NAV2: variants seen among roughly 807,000 people sequenced by gnomAD.
NAV2 encodes neuron navigator 2.
NAV2 carries 54 observed loss-of-function variants against 223.2 expected under a neutral mutation model. The ratio of observed to expected loss-of-function variants is 0.24; its 90% CI spans 0.19 to 0.30. NAV2 has a LOEUF of 0.30. NAV2 is among the 10% of genes least tolerant of loss of function. The pLI is 1.00. For synonymous variants in NAV2, 1,279 were observed against 1,239.3 expected, an observed-to-expected ratio of 1.03 and a Z score of -0.67; for missense variants, 2,806 against 3,147.5, an observed-to-expected ratio of 0.89 and a Z score of 2.60.
chr11:20,083,415 G>A (rs562707639), intron 26 of NAV2, among the ~76,000 whole-genome samples: 7 of 152,268 alleles, frequency 4.6e-5, no homozygotes, highest in East Asian at 1.9e-4. Flanking sequence ...GGCCTTAAGC[G>A]GGTTACTTAA....
intron 10 of NAV2, among the ~76,000 whole-genome samples, chr11:19,966,354 G>A (rs773074601): frequency 1.4e-4 from 22 of 152,186 alleles, no homozygotes; most frequent in Admixed American, 3.3e-4. Flanking sequence ...GCTCCATGGA[G>A]ACACAAGCCT....
intron 1 of NAV2, among the ~76,000 whole-genome samples, chr11:19,604,037 A>G (rs2046417598): frequency 6.6e-6 from 1 of 151,876 alleles, no homozygotes; most frequent in Admixed American, 6.6e-5. Context: ...GAGAGGGAGC[A>G]AGGGGAAGAG....
chr11:20,048,133 T>C (rs2057634650), intron 14 of NAV2, among the ~76,000 whole-genome samples: 1 of 152,198 alleles, frequency 6.6e-6, no homozygotes, highest in Non-Finnish European at 1.5e-5. Flanking sequence ...TGTATGTCAC[T>C]GGATAAGTAA....
chr11:19,737,682 C>A (rs573848138), intron 1 of NAV2, among the ~76,000 whole-genome samples: 22 of 152,314 alleles, frequency 1.4e-4, no homozygotes, highest in African/African-American at 5.3e-4. Flanking sequence ...AGAGTTCTTA[C>A]CCGACAGGGT....
chr11:19,639,340 C>T (rs1324609016), intron 1 of NAV2, among the ~76,000 whole-genome samples: 1 of 152,216 alleles, frequency 6.6e-6, no homozygotes, highest in Non-Finnish European at 1.5e-5. Context: ...TCTATGACTG[C>T]CCCTGTGTGG....
chr11:19,410,617 C>T (rs1202305726), intron 1 of NAV2, among the ~76,000 whole-genome samples: 1 of 152,124 alleles, frequency 6.6e-6, no homozygotes, highest in Non-Finnish European at 1.5e-5. Context: ...AGGATATTCT[C>T]ATTTTTTTCT....
intron 11 of NAV2, among the ~76,000 whole-genome samples, chr11:20,018,881 G>A (rs955075474): frequency 1.3e-5 from 2 of 152,172 alleles, no homozygotes; most frequent in African/African-American, 2.4e-5. Flanking sequence ...GAAGTGGGCC[G>A]CCAGTGGGAG....
intron 6 of NAV2, among the ~76,000 whole-genome samples, chr11:19,923,727 A>AGTGT (rs2153231045): frequency 6.6e-6 from 1 of 152,354 alleles, no homozygotes; most frequent in East Asian, 1.9e-4. Context: ...CCCCCTGTAA[A>AGTGT]GTGTGTATAA....
intron 3 of NAV2, among the ~76,000 whole-genome samples, chr11:19,845,200 C>T (rs1325111778): frequency 1.3e-5 from 2 of 152,206 alleles, no homozygotes; most frequent in Admixed American, 6.5e-5. Flanking sequence ...CACTTTTGCT[C>T]ATGGGAAGTA....
At chr11:19,541,541 C>G (rs760996155) in intron 1 of NAV2, among the ~76,000 whole-genome samples, 4 of 152,232 alleles carry the variant, frequency 2.6e-5, no homozygotes, top group Non-Finnish European at 5.9e-5. Context: ...TCTACAGGAG[C>G]AGGCTGAGGC....
At chr11:19,447,186 A>G (rs1002755374) in intron 1 of NAV2, among the ~76,000 whole-genome samples, 3 of 152,220 alleles carry the variant, frequency 2.0e-5, no homozygotes, top group African/African-American at 7.2e-5. Context: ...CAAATGAACA[A>G]AACTAGTTGG....
At chr11:19,394,985 C>T (rs1367034204) in intron 1 of NAV2, among the ~76,000 whole-genome samples, 2 of 152,338 alleles carry the variant, frequency 1.3e-5, no homozygotes, top group Non-Finnish European at 2.9e-5. Context: ...TGCTAAGCCT[C>T]GCTTGTCAGA....
intron 1 of NAV2, among the ~76,000 whole-genome samples, chr11:19,623,900 T>C (rs2047083680): frequency 6.6e-6 from 1 of 152,218 alleles, no homozygotes; most frequent in Non-Finnish European, 1.5e-5. Flanking sequence ...TTTGTGGTTT[T>C]ATCTACCTTT....
chr11:19,598,561 A>T (rs1250662232), intron 1 of NAV2, among the ~76,000 whole-genome samples: 1 of 152,122 alleles, frequency 6.6e-6, no homozygotes, highest in Non-Finnish European at 1.5e-5. Flanking sequence ...CTTCTAGGTG[A>T]TGTATATGTA....
chr11:19,623,533 A>G (rs2135432925), intron 1 of NAV2, among the ~76,000 whole-genome samples: 1 of 152,232 alleles, frequency 6.6e-6, no homozygotes, highest in East Asian at 1.9e-4. Flanking sequence ...AATCACTGAT[A>G]CCCTTTCTTC....
intron 5 of NAV2, among the ~76,000 whole-genome samples, chr11:19,882,771 C>A (rs1260665129): frequency 6.6e-6 from 1 of 152,182 alleles, no homozygotes; most frequent in African/African-American, 2.4e-5. Flanking sequence ...ACAAAGTGTC[C>A]TGCCATCATG....
intron 1 of NAV2, among the ~76,000 whole-genome samples, chr11:19,422,267 G>A (rs1450520110): frequency 1.3e-5 from 2 of 152,194 alleles, no homozygotes; most frequent in Non-Finnish European, 2.9e-5. Context: ...GCCTTGGTAC[G>A]TGGTGGTTTA....
chr11:19,765,188 G>T (rs141702691), intron 1 of NAV2, among the ~76,000 whole-genome samples: 65 of 152,230 alleles, frequency 4.3e-4, no homozygotes, highest in African/African-American at 1.4e-3. Context: ...GATAACACCG[G>T]AAATAAAATT....
intron 22 of NAV2, among the ~76,000 whole-genome samples, chr11:20,070,049 A>G (rs1026178640): frequency 1.1e-4 from 17 of 152,266 alleles, no homozygotes; most frequent in African/African-American, 4.1e-4. Context: ...CGTGTTTTGT[A>G]ATCTTTTATT....
Sources: gnomAD v4.1 joint callset for allele counts (sites outside exome capture counted in the v4.1 genomes callset) on GRCh38, gnomAD v4.1.1 for gene constraint, MANE v1.5 for transcripts, NCBI Gene and HGNC (gene_info 2026-07-23, HGNC 2026-07-21) for gene names.